Variants in MTR observed in about 807,000 individuals in gnomAD.
MTR encodes the protein 5-methyltetrahydrofolate-homocysteine methyltransferase.
MTR carries 84 observed loss-of-function variants against 154.8 expected under a neutral mutation model. That is an observed-to-expected ratio of 0.54 (90% CI 0.45 to 0.65). The LOEUF is 0.65. MTR is among the 30% of genes least tolerant of loss of function. The pLI is 0.00. For missense variants in MTR, 1,275 were observed against 1,570.2 expected, an observed-to-expected ratio of 0.81 and a Z score of 3.18; for synonymous variants, 554 against 553.9, an observed-to-expected ratio of 1.00 and a Z score of 0.00.
intron 27 of MTR, among the ~76,000 whole-genome samples, chr1:236,888,526 A>G (rs1666143412): frequency 6.6e-6 from 1 of 152,242 alleles, no homozygotes; most frequent in Non-Finnish European, 1.5e-5. Flanking sequence ...AAACGAAACA[A>G]TGCAGAGTGA....
At position 236,838,577 on chromosome 1, in the gene MTR, TG is replaced by T; in HGVS notation, c.1495del (p.Ala499LeufsTer26). On this transcript the variant is annotated frameshift_variant, in exon 15 of 33. Transcript: ENST00000366577. LOFTEE classifies it high-confidence loss of function. ...IKKYGAAMVV[M>X]AFDEEGQATE... Reference sequence around the variant, plus strand: ...AAGTATGGAGCTGCTATGGTGGTCATGGCTTTTGATGAAGAAGGACAGGTGA... The same window carrying T: ...AAGTATGGAGCTGCTATGGTGGTCATGCTTTTGATGAAGAAGGACAGGTGA... 1 of 1,614,156 alleles carries T rather than the reference TG, an allele frequency of 6.2e-7. No individual in the cohort carries two copies. Among genetic ancestry groups the T allele is most frequent in the Non-Finnish European group, 8.5e-7 (1 of 1,179,998 alleles).
intron 18 of MTR, among the ~76,000 whole-genome samples, chr1:236,854,284 G>A (rs1664075894): frequency 6.6e-6 from 1 of 152,222 alleles, no homozygotes; most frequent in Non-Finnish European, 1.5e-5. Flanking sequence ...CTGTGCCAAC[G>A]CTCACACGAC....
chr1:236,804,318 A>G (rs1330080885), intron 2 of MTR, among the ~76,000 whole-genome samples: 3 of 152,184 alleles, frequency 2.0e-5, no homozygotes, highest in Admixed American at 6.5e-5. Flanking sequence ...GCGCTTATTC[A>G]CCCCTTCCAC....
At position 236,802,134 on chromosome 1, in the gene MTR, G is replaced by A. The variant is rs576872035; in HGVS notation, c.35-1294G>A. ...CAAATCTATAAGGCTTGGGATCTAAGTAGATGTTGGTTATCAGGGAGAATA... is the reference window on the plus strand; with the variant it reads ...CAAATCTATAAGGCTTGGGATCTAAATAGATGTTGGTTATCAGGGAGAATA... On this transcript the variant is annotated intron_variant, in intron 1 of 32. Coordinates refer to ENST00000366577, the MANE Select transcript of MTR (RefSeq NM_000254.3). Among the ~76,000 whole-genome samples, 3 of 152,324 alleles carry A rather than the reference G, an allele frequency of 2.0e-5. No individual in the cohort carries two copies. The South Asian group carries it at 6.2e-4, about 32-fold the overall frequency.
chr1:236,849,326 C>A (rs1204165805), intron 15 of MTR, among the ~76,000 whole-genome samples: 1 of 152,026 alleles, frequency 6.6e-6, no homozygotes, highest in Non-Finnish European at 1.5e-5. Flanking sequence ...TACCAATTAA[C>A]AAGTAATAAA....
intron 1 of MTR, among the ~76,000 whole-genome samples, chr1:236,796,366 AC>A (rs1243458807): frequency 1.3e-5 from 2 of 152,234 alleles, no homozygotes; most frequent in Non-Finnish European, 2.9e-5. Flanking sequence ...CTAGTTTAGC[AC>A]GAGAACTGAA....
At chr1:236,860,910 A>G (rs898046155) in intron 19 of MTR, among the ~76,000 whole-genome samples, 9 of 152,194 alleles carry the variant, frequency 5.9e-5, no homozygotes, top group African/African-American at 1.9e-4. Flanking sequence ...AAATAAACAT[A>G]TGAGATACTA....
rs1227369146 is a variant in MTR, at chr1:236,835,606, C to T, written c.1248C>T (p.Asn416=). The stretch of plus-strand genomic sequence containing the variant: ...TGGGAGCCCAGGTGTTGGATGTCAA[C>T]ATGGATGATGGCATGCTAGATGGTC... ...VEMGAQVLDV[N]MDDGMLDGPS... The change falls in exon 14 of 33, where the codon AAC becomes AAT. Residue 416 remains asparagine, a synonymous_variant. Transcript: ENST00000366577. 3 of 1,610,696 alleles carry T rather than the reference C, an allele frequency of 1.9e-6. No individual in the cohort carries two copies. In the African/African-American group the frequency reaches 4.1e-5, roughly 22 times the overall value.
chr1:236,814,691 C>T (rs1363314996), intron 6 of MTR, among the ~76,000 whole-genome samples: 1 of 152,190 alleles, frequency 6.6e-6, no homozygotes, highest in Non-Finnish European at 1.5e-5. Context: ...TGTGGCACTA[C>T]TGCACCATTT....
chr1:236,807,080 C>G lies in MTR; in HGVS notation c.339+847C>G, dbSNP rs78520857. On this transcript the variant is annotated intron_variant, in intron 3 of 32. Coordinates refer to ENST00000366577, the MANE Select transcript of MTR (RefSeq NM_000254.3). The stretch of plus-strand genomic sequence containing the variant: ...TAGCATGTATTCAAGTCCCCACATT[C>G]AATTTTTTGTATATATACACAGAAG... 6.4e-4 allele frequency among the ~76,000 whole-genome samples: 98 copies of G among 152,282 alleles called. 1 individual carries two copies. The East Asian group carries it at 0.018, about 28-fold the overall frequency.
chr1:236,810,782 G>A (rs749017927), intron 5 of MTR, among the ~76,000 whole-genome samples, 187 bp downstream of exon 5: 1 of 152,174 alleles, frequency 6.6e-6, no homozygotes, highest in Non-Finnish European at 1.5e-5. Flanking sequence ...TAGCTATGAT[G>A]ATTATTATTA....
intron 15 of MTR, among the ~76,000 whole-genome samples, chr1:236,846,095 G>A (rs1558306251): frequency 6.6e-6 from 1 of 152,216 alleles, no homozygotes; most frequent in African/African-American, 2.4e-5. Context: ...TATGACAGGA[G>A]GCTGGGCCTG....
intron 25 of MTR, among the ~76,000 whole-genome samples, chr1:236,882,633 T>G (rs901593442): frequency 2.0e-5 from 3 of 152,192 alleles, no homozygotes; most frequent in Admixed American, 6.5e-5. Context: ...CCTCAAGTGA[T>G]CCACCCGCCT....
chr1:236,800,167 A>G, intron 1 of MTR: 1 of 985,406 alleles, frequency 1.0e-6, no homozygotes, highest in South Asian at 4.7e-5. Context: ...ACTTGTGTGC[A>G]CTCGCTCAGT....
intron 30 of MTR, chr1:236,894,835 C>A: frequency 2.1e-6 from 1 of 485,190 alleles, no homozygotes; most frequent in South Asian, 2.5e-5. Context: ...TCTGTTGTCT[C>A]TCTTTGCTTG....
At position 236,868,470 on chromosome 1, in the gene MTR, A is replaced by G. The variant is rs377551308; in HGVS notation, c.2405+4916A>G. On this transcript the variant is annotated intron_variant, in intron 22 of 32. Coordinates refer to ENST00000366577, the MANE Select transcript of MTR (RefSeq NM_000254.3). ...AATGGTCTAGAGTTGAACCTATAGC[A>G]TCTCTGAGTTATGTCTGTATTCTAA... Among the ~76,000 whole-genome samples the G allele has an allele frequency of 3.9e-5, 6 of 152,302 alleles. No homozygotes were observed. The East Asian group carries it at 1.2e-3, about 29-fold the overall frequency.
At chr1:236,797,989 C>CA (rs59947353) in intron 1 of MTR, among the ~76,000 whole-genome samples, 1 of 150,208 alleles carries the variant, frequency 6.7e-6, no homozygotes, top group East Asian at 1.9e-4. Flanking sequence ...AAAACAAAAC[C>CA]AAAAAAACAA....
chr1:236,874,689 C>T lies in MTR; in HGVS notation c.2474-37C>T, dbSNP rs1461254451. Reference sequence around the variant, plus strand: ...TTTTTCTTTCATCTTCCTCACTGTCCTTTTTGTCCTTTTTTTTTTAAAAAA... The same window carrying T: ...TTTTTCTTTCATCTTCCTCACTGTCTTTTTTGTCCTTTTTTTTTTAAAAAA... On this transcript the variant is annotated intron_variant, in intron 23 of 32. Coordinates refer to ENST00000366577, the MANE Select transcript of MTR (RefSeq NM_000254.3). 23 of 1,470,776 alleles carry T rather than the reference C, an allele frequency of 1.6e-5. No individual in the cohort carries two copies. In the East Asian group the frequency reaches 4.3e-4, roughly 28 times the overall value. The allele number at this position is 1,470,776 out of a possible 1,614,324, so 91.1% of individuals were successfully genotyped here. A position where few individuals can be genotyped will look rare whatever the true frequency, so the allele number is the denominator to read the frequency against.
intron 22 of MTR, 64 bp from the exon 23 acceptor site, chr1:236,873,709 T>C (rs1260090560): frequency 1.5e-6 from 2 of 1,352,328 alleles, no homozygotes. Context: ...ATAAAAATGT[T>C]CATTTCAGTT....
Sources: gnomAD v4.1 joint callset for allele counts (sites outside exome capture counted in the v4.1 genomes callset) on GRCh38, gnomAD v4.1.1 for gene constraint, MANE v1.5 for transcripts, NCBI Gene and HGNC (gene_info 2026-07-23, HGNC 2026-07-21) for gene names.